The following ADAM17 variants were observed in gnomAD, a reference collection of about 807,000 sequenced individuals.
The protein encoded by ADAM17 is disintegrin and metalloproteinase domain-containing protein 17.
Under a neutral mutation model 96.7 loss-of-function variants are expected in ADAM17, and 39 were observed. That is an observed-to-expected ratio of 0.40 (90% CI 0.31 to 0.53). The LOEUF is 0.53. Ranked by LOEUF, ADAM17 falls within the 20% of genes least tolerant of loss-of-function variation. ADAM17 has a pLI of 0.44. For synonymous variants in ADAM17, 344 were observed against 359.2 expected (o/e 0.96, Z 0.48); for missense variants, 777 against 1,013.2 (o/e 0.77, Z 3.17).
At chr2:9,513,187 G>C (rs750827172) in intron 10 of ADAM17, among the ~76,000 whole-genome samples, 3 of 152,014 alleles carry the variant, frequency 2.0e-5, no homozygotes, top group Non-Finnish European at 4.4e-5. Context: ...TAGAGACGAG[G>C]TTTCACCATG....
chr2:9,506,359 GTTTTTTTTTTTTTTTT>G (rs769256744), intron 11 of ADAM17, among the ~76,000 whole-genome samples: 1 of 73,208 alleles, frequency 1.4e-5, no homozygotes, highest in African/African-American at 5.7e-5. Flanking sequence ...CTTCAAATCT[GTTTTTTTTTTTTTTTT>G]TTTTTTTTTT....
chr2:9,541,770 T>A (rs912185127), intron 2 of ADAM17, among the ~76,000 whole-genome samples: 1 of 152,162 alleles, frequency 6.6e-6, no homozygotes, highest in African/African-American at 2.4e-5. Flanking sequence ...CCAGATGCAG[T>A]GGCCCCTGTC....
chr2:9,490,484 G>C lies in ADAM17; in HGVS notation c.2168C>G (p.Ser723Trp), dbSNP rs144721235. 3 of 1,613,922 alleles carry C rather than the reference G, an allele frequency of 1.9e-6. No individual in the cohort carries two copies. The highest frequency in any genetic ancestry group is 2.5e-6 in the Non-Finnish European group (3 of 1,179,894). The change falls in exon 19 of 19, where the codon TCG (serine) becomes TGG (tryptophan). Residue 723 changes from serine (S) to tryptophan (W), a missense_variant. By Grantham distance (177) the Ser-to-Trp change is radical (BLOSUM62 -3). This residue lies in a region of ADAM17 where 197 missense variants were observed against 219.4 expected (regional missense o/e 0.90). Transcript: ENST00000310823. ...VEMLSSMDSA[S>W]VRIIKPFPAP... ...AGGAAAGGGTTTGATAATGCGAACC[G>C]ATGCAGAATCCATGCTGCTCAGCAT...
At chr2:9,547,175 T>C (rs1386996508) in intron 1 of ADAM17, among the ~76,000 whole-genome samples, 1 of 152,252 alleles carries the variant, frequency 6.6e-6, no homozygotes, top group Non-Finnish European at 1.5e-5. Context: ...GCTTTTGTTA[T>C]CTTTTTCATC....
intron 10 of ADAM17, among the ~76,000 whole-genome samples, chr2:9,513,924 T>C (rs1663883122): frequency 6.6e-6 from 1 of 151,276 alleles, no homozygotes; most frequent in Admixed American, 6.6e-5. Flanking sequence ...GGCAGGAGAA[T>C]TGCTTGAATC....
chr2:9,513,591 G>T (rs1663862329), intron 10 of ADAM17, among the ~76,000 whole-genome samples: 1 of 152,108 alleles, frequency 6.6e-6, no homozygotes, highest in Admixed American at 6.6e-5. Context: ...TGCTTGATAT[G>T]TAGGGGGAAA....
Position 9,488,502 on chromosome 2 carries a change from T to G in ADAM17, c.*1675A>C. 2.0e-6 allele frequency: 1 copy of G among 493,924 alleles called. No homozygotes were observed. The highest frequency in any genetic ancestry group is 3.5e-6 in the Non-Finnish European group (1 of 285,590). The allele number at this position is 493,924 out of a possible 1,614,324, so 30.6% of individuals were successfully genotyped here. ...TTAGGTCCATTGTGTTTCGACAGTA[T>G]TTATTAATGCAGATATCAGTGCTAC... On this transcript the variant is annotated 3_prime_UTR_variant, in exon 19 of 19. Transcript: ENST00000310823.
chr2:9,554,404 A>G (rs759542914), intron 1 of ADAM17, among the ~76,000 whole-genome samples: 2 of 152,150 alleles, frequency 1.3e-5, no homozygotes, highest in Non-Finnish European at 2.9e-5. Flanking sequence ...CTTGCCTTTC[A>G]TTAGTCACTT....
At chr2:9,521,642 G>GA (rs1664314362) in intron 7 of ADAM17, 1 of 157,638 alleles carries the variant, frequency 6.3e-6, no homozygotes, top group African/African-American at 2.4e-5. Context: ...GACAACTCAG[G>GA]AAAGAATAAT....
At chr2:9,515,747 A>G (rs1406848775) in intron 10 of ADAM17, among the ~76,000 whole-genome samples, 1 of 150,734 alleles carries the variant, frequency 6.6e-6, no homozygotes, top group African/African-American at 2.5e-5. Context: ...AAAAAAAAAA[A>G]AAAAGAAAAA....
intron 4 of ADAM17, among the ~76,000 whole-genome samples, chr2:9,534,997 A>G (rs773264216): frequency 3.9e-5 from 6 of 152,228 alleles, no homozygotes; most frequent in Non-Finnish European, 7.3e-5. Flanking sequence ...AATAGCTTAA[A>G]CATTAACAAA....
intron 12 of ADAM17, among the ~76,000 whole-genome samples, chr2:9,504,050 C>G (rs1386096182): frequency 6.6e-6 from 1 of 151,972 alleles, no homozygotes; most frequent in East Asian, 1.9e-4. Context: ...ATCCGGGAGG[C>G]TGAGGTGGAA....
rs532191218 is a variant in ADAM17, at chr2:9,550,314, T to C, written c.97+5195A>G. Among the ~76,000 whole-genome samples the C allele has an allele frequency of 6.6e-5, 10 of 152,186 alleles. No homozygotes were observed. In the East Asian group the frequency reaches 1.9e-3, roughly 29 times the overall value. On this transcript the variant is annotated intron_variant, in intron 1 of 18. Coordinates refer to ENST00000310823, the MANE Select transcript of ADAM17 (RefSeq NM_003183.6). ...TCCTCAACAGACCTGGGACGTAACC[T>C]GAGCCAAGACTCTCCAGCAAGACCA...
chr2:9,530,728 T>C (rs1572942251), intron 4 of ADAM17, among the ~76,000 whole-genome samples: 1 of 152,198 alleles, frequency 6.6e-6, no homozygotes, highest in East Asian at 1.9e-4. Flanking sequence ...TATGTTACTT[T>C]TATTACAGCT....
intron 18 of ADAM17, 30 bp downstream of exon 18, chr2:9,491,071 G>T: frequency 3.1e-6 from 5 of 1,602,390 alleles, no homozygotes; most frequent in East Asian, 2.2e-5. Flanking sequence ...ACCAGGCGAA[G>T]ATTATGTTTC....
chr2:9,526,754 C>G (rs1319542948), intron 5 of ADAM17, among the ~76,000 whole-genome samples: 1 of 152,038 alleles, frequency 6.6e-6, no homozygotes, highest in Non-Finnish European at 1.5e-5. Flanking sequence ...CAAGATTGTG[C>G]CATTGCACTC....
chr2:9,512,730 T>G (rs1012798819), intron 10 of ADAM17, among the ~76,000 whole-genome samples: 1 of 152,180 alleles, frequency 6.6e-6, no homozygotes, highest in African/African-American at 2.4e-5. Flanking sequence ...TCGGTTAGTA[T>G]GAGAACATAC....
At position 9,489,367 on chromosome 2, in the gene ADAM17, G is replaced by A. The variant is rs1169417283; in HGVS notation, c.*810C>T. 6.7e-6 allele frequency: 1 copy of A among 148,446 alleles called. No individual in the cohort carries two copies. The highest frequency in any genetic ancestry group is 6.8e-5 in the Admixed American group (1 of 14,774). The allele number at this position is 148,446 out of a possible 1,614,324, so 9.2% of individuals were successfully genotyped here. On this transcript the variant is annotated 3_prime_UTR_variant, in exon 19 of 19. Coordinates refer to ENST00000310823, the MANE Select transcript of ADAM17 (RefSeq NM_003183.6). ...CCAAGTGCTGGGATTACAGGCATGA[G>A]CCACCACTCCCAGCCAATAGTGAAT...
At chr2:9,524,455 A>G (rs1449818474) in intron 6 of ADAM17, among the ~76,000 whole-genome samples, 1 of 151,586 alleles carries the variant, frequency 6.6e-6, no homozygotes, top group Non-Finnish European at 1.5e-5. Flanking sequence ...TCACCACTGC[A>G]CTCCGGCCTG....
Sources: allele counts gnomAD v4.1 joint callset (sites outside exome capture counted in the v4.1 genomes callset), GRCh38; gene constraint gnomAD v4.1.1; regional missense constraint gnomAD v4.1.1; transcripts MANE v1.5; gene names NCBI Gene and HGNC (gene_info 2026-07-23, HGNC 2026-07-21).